The following TGFB1 variants were observed in gnomAD, a reference collection of about 807,000 sequenced individuals.
TGFB1 encodes the protein transforming growth factor beta 1.
In TGFB1, 19 loss-of-function variants were observed where a neutral mutation model predicts 43.8. The observed-to-expected ratio is 0.43, with a 90% CI of 0.30 to 0.64. The LOEUF is 0.64. Ranked by LOEUF, TGFB1 falls within the 30% of genes least tolerant of loss-of-function variation. The probability of loss-of-function intolerance (pLI) is 0.11; values close to 1 mark genes in which losing one functional copy is unlikely to be tolerated. For synonymous variants in TGFB1, 221 were observed against 236.3 expected (o/e 0.94, Z 0.60); for missense variants, 445 against 529.8 (o/e 0.84, Z 1.57).
chr19:41,334,981 G>GA, intron 5 of TGFB1, among the ~76,000 whole-genome samples: 1 of 151,788 alleles, frequency 6.6e-6, no homozygotes, highest in Non-Finnish European at 1.5e-5. Context: ...GTATTTCTGG[G>GA]AAAAAGAGTC....
intron 3 of TGFB1, 136 bp from the exon 4 acceptor site, chr19:41,342,383 GCTCT>G (rs1421637264): frequency 1.2e-5 from 7 of 586,314 alleles, no homozygotes; most frequent in African/African-American, 4.4e-5. Flanking sequence ...TCTCACTGCA[GCTCT>G]CTCTTTTTTT....
In TGFB1 at chr19:41,330,979, C is replaced by A; in HGVS notation, c.*73G>T. ...GCACGGGTGTCCTTAAATACAGCCC[C>A]CATGGGCAAGGCAGCGGGGGCGGGG... On this transcript the variant is annotated 3_prime_UTR_variant, in exon 7 of 7. Coordinates refer to ENST00000221930, the MANE Select transcript of TGFB1 (RefSeq NM_000660.7). 1.5e-6 allele frequency: 2 copies of A among 1,356,664 alleles called. No individual in the cohort carries two copies. Among genetic ancestry groups the A allele is most frequent in the South Asian group, 3.0e-5 (2 of 67,458 alleles). The allele number at this position is 1,356,664 out of a possible 1,614,324, so 84.0% of individuals were successfully genotyped here.
At chr19:41,338,350 C>T (rs747170350) in intron 5 of TGFB1, among the ~76,000 whole-genome samples, 2 of 150,378 alleles carry the variant, frequency 1.3e-5, no homozygotes, top group Admixed American at 6.7e-5. Flanking sequence ...AAAAGTTAGC[C>T]GGGCATGGTG....
Position 41,336,576 on chromosome 19 carries a change from G to A in TGFB1, c.861-4295C>T, listed in dbSNP as rs543780575. On this transcript the variant is annotated intron_variant, in intron 5 of 6. Coordinates refer to ENST00000221930, the MANE Select transcript of TGFB1 (RefSeq NM_000660.7). ...ACTTTTCATATTTTTTTTTTTGGGA[G>A]ATGGGGTTTCACCATATTGCCCAGG... is the stretch of plus-strand genomic sequence containing the variant. Among the ~76,000 whole-genome samples, 4 of 151,298 alleles carry A rather than the reference G, an allele frequency of 2.6e-5. No individual in the cohort carries two copies. The South Asian group carries it at 8.4e-4, about 32-fold the overall frequency.
At chr19:41,351,045 C>A (rs1292799667) in intron 1 of TGFB1, 2 of 152,356 alleles carry the variant, frequency 1.3e-5, no homozygotes, top group African/African-American at 4.8e-5. Context: ...ACCAGGAGAC[C>A]CATGCGTGGA....
At chr19:41,335,373 C>T (rs1337804553) in intron 5 of TGFB1, among the ~76,000 whole-genome samples, 2 of 152,150 alleles carry the variant, frequency 1.3e-5, no homozygotes, top group African/African-American at 4.8e-5. Flanking sequence ...CTTTAATATG[C>T]AGTTCAACCC....
chr19:41,336,386 C>CTTT (rs60810325), intron 5 of TGFB1, among the ~76,000 whole-genome samples: 1 of 134,580 alleles, frequency 7.4e-6, no homozygotes. Context: ...TCCACTATCT[C>CTTT]TTTTTTTTTT....
chr19:41,332,104 C>T (rs776694869), intron 6 of TGFB1, 24 bp downstream of exon 6: 1 of 1,605,248 alleles, frequency 6.2e-7, no homozygotes, highest in Non-Finnish European at 8.5e-7. Context: ...AAGCGCATCT[C>T]GTAGCCCGGT....
chr19:41,331,292 A>G (rs929927581), intron 6 of TGFB1, 82 bp from the exon 7 acceptor site: 9 of 1,412,154 alleles, frequency 6.4e-6, no homozygotes, highest in African/African-American at 3.0e-5. Flanking sequence ...CCCACCCGCT[A>G]CCGCGCCAGC....
rs888807516 is a variant in TGFB1, at chr19:41,353,192, G to C, written c.-148C>G. ...TGAGGTCCTCAGGGAGAAGGGCGCAGTGGTGGAGGGGAGGCTTGGACCGGG... is the reference window on the plus strand; with the variant it reads ...TGAGGTCCTCAGGGAGAAGGGCGCACTGGTGGAGGGGAGGCTTGGACCGGG... On this transcript the variant is annotated 5_prime_UTR_variant, in exon 1 of 7. Transcript: ENST00000221930. This position sits in a 1 kb window ranked among gnomAD's most constrained non-coding sequence, Gnocchi z 5.9. 7.9e-6 allele frequency: 8 copies of C among 1,011,166 alleles called. 1 individual carries two copies. Among genetic ancestry groups the C allele is most frequent in the Admixed American group, 3.1e-5 (1 of 31,778 alleles). The allele number at this position is 1,011,166 out of a possible 1,614,324, so 62.6% of individuals were successfully genotyped here.
rs574574739 is a variant in TGFB1, at chr19:41,337,985, A to G, written c.860+3898T>C. ...GGCTGATGGATCACCTGAGGTCAGG[A>G]GTTCAAGACCAGCCTGGCCAACATG... On this transcript the variant is annotated intron_variant, in intron 5 of 6. Transcript: ENST00000221930. Among the ~76,000 whole-genome samples, 262 of 152,280 alleles carry G rather than the reference A, an allele frequency of 1.7e-3. 1 individual carries two copies. The highest frequency in any genetic ancestry group is 3.4e-3 in the Middle Eastern group (1 of 292).
At chr19:41,351,941 T>C (rs1464636176) in intron 1 of TGFB1, among the ~76,000 whole-genome samples, 2 of 151,678 alleles carry the variant, frequency 1.3e-5, no homozygotes, top group African/African-American at 4.9e-5. Flanking sequence ...TCCGCTGGGC[T>C]CCCCACTCTG....
rs749452831 is a variant in TGFB1 at position 41,353,057 on chromosome 19, G to GC, written c.-14dup. The GC allele has an allele frequency of 2.0e-5, 30 of 1,517,178 alleles. No homozygotes were observed. In the South Asian group the frequency reaches 3.4e-4, roughly 17 times the overall value. 94.0% of individuals were successfully genotyped at this position (1,517,178 alleles called of 1,614,324 possible). ...CGGAGGGCGGCATGGGGGAGGCGGCGCCCCCCGGCACTGCCGAGAGCGCGA... is the reference window on the plus strand; with the variant it reads ...CGGAGGGCGGCATGGGGGAGGCGGCGCCCCCCCGGCACTGCCGAGAGCGCGA... On this transcript the variant is annotated 5_prime_UTR_variant, in exon 1 of 7. Transcript: ENST00000221930. This position sits in a 1 kb window ranked among gnomAD's most constrained non-coding sequence, Gnocchi z 5.9.
chr19:41,332,105 G>A (rs761478883), intron 6 of TGFB1, 23 bp downstream of exon 6: 5 of 1,603,322 alleles, frequency 3.1e-6, no homozygotes, highest in Admixed American at 1.7e-5. Flanking sequence ...AGCGCATCTC[G>A]TAGCCCGGTG....
chr19:41,331,172 C>G lies in TGFB1; in HGVS notation c.1053G>C (p.Ser351=). 6.4e-7 allele frequency: 1 copy of G among 1,551,142 alleles called. No individual in the cohort carries two copies. Among genetic ancestry groups the G allele is most frequent in the Non-Finnish European group, 8.7e-7 (1 of 1,150,488 alleles). ...ALYNQHNPGA[S]AAPCCVPQAL... ...CCTGCGGCACGCAGCACGGCGCCGC[C>G]GAGGCGCCCGGGTTATGCTGGTTGT... Residue 351 remains serine (S), a synonymous_variant, in exon 7 of 7, where the codon TCG becomes TCC. Coordinates refer to ENST00000221930, the MANE Select transcript of TGFB1 (RefSeq NM_000660.7).
chr19:41,344,123 C>T (rs2038089485), intron 3 of TGFB1, among the ~76,000 whole-genome samples: 2 of 151,750 alleles, frequency 1.3e-5, no homozygotes, highest in South Asian at 4.2e-4. Flanking sequence ...GCTGGAACTA[C>T]AGGCACGTAA....
intron 3 of TGFB1, 147 bp from the exon 4 acceptor site, chr19:41,342,394 T>A: frequency 6.1e-5 from 15 of 244,420 alleles, no homozygotes; most frequent in East Asian, 7.9e-5. Context: ...CTCTCTCTTT[T>A]TTTTTTTTTT....
chr19:41,332,385 G>C, intron 5 of TGFB1, 104 bp from the exon 6 acceptor site: 1 of 1,372,590 alleles, frequency 7.3e-7, no homozygotes, highest in Non-Finnish European at 1.0e-6. Context: ...TGCCCCCCCA[G>C]CCCTATCTCC....
chr19:41,342,058 G>A lies in TGFB1; in HGVS notation c.713-28C>T, dbSNP rs1287035758. On this transcript the variant is annotated intron_variant, in intron 4 of 6. Coordinates refer to ENST00000221930, the MANE Select transcript of TGFB1 (RefSeq NM_000660.7). ...GCTTTGGTGTGGGAGTCAGGGGATA[G>A]GGGACATACACACACACTCTCAGAG... The A allele has an allele frequency of 1.9e-6, 3 of 1,614,166 alleles. No homozygotes were observed. In the South Asian group the frequency reaches 3.3e-5, roughly 18 times the overall value.
Sources: gnomAD v4.1 joint callset for allele counts (sites outside exome capture counted in the v4.1 genomes callset) on GRCh38, gnomAD v4.1.1 for gene constraint, Gnocchi (gnomAD v3.1) non-coding constraint, MANE v1.5 for transcripts, NCBI Gene and HGNC (gene_info 2026-07-23, HGNC 2026-07-21) for gene names.